ITPR2: variants seen among roughly 807,000 people sequenced by gnomAD.
ITPR2 encodes the protein inositol 1,4,5-trisphosphate-gated calcium channel ITPR2.
In ITPR2, 207 loss-of-function variants were observed where a neutral mutation model predicts 317.1. That is an observed-to-expected ratio of 0.65 (90% CI 0.58 to 0.73). ITPR2 has a LOEUF of 0.73. Ranked by LOEUF, ITPR2 falls within the 30% of genes least tolerant of loss-of-function variation. The pLI is 0.00. For missense variants in ITPR2, 2,613 were observed against 3,284.0 expected (o/e 0.80, Z 4.99); for synonymous variants, 1,156 against 1,149.1 (o/e 1.01, Z -0.12).
At chr12:26,533,092 G>A (rs924074442) in intron 37 of ITPR2, among the ~76,000 whole-genome samples, 7 of 152,176 alleles carry the variant, frequency 4.6e-5, no homozygotes, top group African/African-American at 1.7e-4. Flanking sequence ...AAAGTGCTTG[G>A]TAAGAAACTG....
At chr12:26,509,489 A>G (rs1389092506) in intron 37 of ITPR2, among the ~76,000 whole-genome samples, 2 of 152,226 alleles carry the variant, frequency 1.3e-5, no homozygotes, top group East Asian at 3.8e-4. Context: ...TACATCTCTT[A>G]AGGAAAATAA....
chr12:26,466,712 A>G (rs1301570485), intron 45 of ITPR2, among the ~76,000 whole-genome samples: 2 of 152,238 alleles, frequency 1.3e-5, no homozygotes, highest in Non-Finnish European at 2.9e-5. Flanking sequence ...TTTATAGATG[A>G]GAAGGTTGAA....
At chr12:26,620,900 T>A (rs1361249093) in intron 26 of ITPR2, among the ~76,000 whole-genome samples, 1 of 152,040 alleles carries the variant, frequency 6.6e-6, no homozygotes, top group Admixed American at 6.5e-5. Context: ...TGACAAAGAG[T>A]GAAACACTAG....
At chr12:26,348,389 A>G (rs1047206845) in intron 55 of ITPR2, among the ~76,000 whole-genome samples, 2 of 152,188 alleles carry the variant, frequency 1.3e-5, no homozygotes, top group Non-Finnish European at 1.5e-5. Flanking sequence ...GATTTCAGTA[A>G]GGGCATGATG....
At chr12:26,799,524 A>G (rs1950518056) in intron 1 of ITPR2, among the ~76,000 whole-genome samples, 1 of 152,212 alleles carries the variant, frequency 6.6e-6, no homozygotes, top group Non-Finnish European at 1.5e-5. Context: ...CAACTAAAAG[A>G]GTTACACATA....
chr12:26,697,521 A>G (rs1948373125), intron 9 of ITPR2, among the ~76,000 whole-genome samples: 1 of 152,184 alleles, frequency 6.6e-6, no homozygotes, highest in Non-Finnish European at 1.5e-5. Flanking sequence ...TATAGAAACA[A>G]TATGTGGCCG....
intron 56 of ITPR2, 146 bp downstream of exon 56, chr12:26,340,021 G>A (rs1406712555): frequency 7.5e-6 from 5 of 665,880 alleles, no homozygotes; most frequent in East Asian, 6.3e-5. Flanking sequence ...CTGGGATGTG[G>A]TTCTACAGTA....
chr12:26,752,358 G>C (rs1027788547), intron 2 of ITPR2, among the ~76,000 whole-genome samples: 1 of 152,200 alleles, frequency 6.6e-6, no homozygotes, highest in African/African-American at 2.4e-5. Flanking sequence ...CACAGGATGA[G>C]AGAGGAGATC....
intron 2 of ITPR2, among the ~76,000 whole-genome samples, chr12:26,775,493 A>G (rs10771301): frequency 0.29 from 44,417 of 151,998 alleles, 7,793 homozygotes; most frequent in East Asian, 0.75. Flanking sequence ...AGGAGTTTCC[A>G]TTGACTAAAA....
At chr12:26,424,838 C>T (rs1211487935) in intron 49 of ITPR2, among the ~76,000 whole-genome samples, 2 of 152,036 alleles carry the variant, frequency 1.3e-5, no homozygotes, top group Non-Finnish European at 2.9e-5. Flanking sequence ...CAGCTCAGTG[C>T]AACCTCTACC....
intron 15 of ITPR2, among the ~76,000 whole-genome samples, chr12:26,660,437 T>C (rs776585099): frequency 6.6e-6 from 1 of 152,240 alleles, no homozygotes; most frequent in Non-Finnish European, 1.5e-5. Context: ...TTCTCCCCCT[T>C]CCACCATGAA....
intron 50 of ITPR2, among the ~76,000 whole-genome samples, chr12:26,415,933 T>TG (rs1200141380): frequency 3.3e-5 from 5 of 152,186 alleles, no homozygotes; most frequent in African/African-American, 1.2e-4. Context: ...TAGGTCCTCC[T>TG]GAGTGATGAA....
At chr12:26,759,314 G>GT (rs894125233) in intron 2 of ITPR2, among the ~76,000 whole-genome samples, 2 of 151,930 alleles carry the variant, frequency 1.3e-5, no homozygotes, top group East Asian at 1.9e-4. Flanking sequence ...AAATGAGTAG[G>GT]TTTTTTTTCC....
chr12:26,423,393 G>A (rs1482986223), intron 49 of ITPR2, among the ~76,000 whole-genome samples: 5 of 152,162 alleles, frequency 3.3e-5, no homozygotes, highest in Non-Finnish European at 7.4e-5. Flanking sequence ...CTCATTGTTA[G>A]TAGACTAGCT....
intron 1 of ITPR2, among the ~76,000 whole-genome samples, chr12:26,813,332 CTTG>C (rs1439207241): frequency 6.6e-6 from 1 of 152,094 alleles, no homozygotes; most frequent in Non-Finnish European, 1.5e-5. Flanking sequence ...TTAATTCATG[CTTG>C]TTGTGTACAC....
chr12:26,811,036 CAAAAA>C (rs79796097), intron 1 of ITPR2, among the ~76,000 whole-genome samples: 26 of 108,288 alleles, frequency 2.4e-4, no homozygotes, highest in African/African-American at 9.6e-4. Flanking sequence ...TTTTAAGTTA[CAAAAA>C]AAAAAAAAAA....
intron 14 of ITPR2, among the ~76,000 whole-genome samples, chr12:26,664,426 C>A (rs1947574140): frequency 6.6e-6 from 1 of 152,096 alleles, no homozygotes; most frequent in Admixed American, 6.5e-5. Flanking sequence ...GCTGGTGGCT[C>A]CCAGTAAGCC....
At chr12:26,516,475 A>G (rs542543887) in intron 37 of ITPR2, among the ~76,000 whole-genome samples, 1 of 152,102 alleles carries the variant, frequency 6.6e-6, no homozygotes, top group Non-Finnish European at 1.5e-5. Flanking sequence ...GGGTCTTCAA[A>G]GACTTCCCAT....
chr12:26,632,745 T>A (rs1002963654), intron 21 of ITPR2, among the ~76,000 whole-genome samples: 2 of 152,214 alleles, frequency 1.3e-5, no homozygotes, highest in African/African-American at 4.8e-5. Flanking sequence ...AACATGATCA[T>A]TTTCAATGAG....
Sources: gnomAD v4.1 joint callset for allele counts (sites outside exome capture counted in the v4.1 genomes callset) on GRCh38, gnomAD v4.1.1 for gene constraint, MANE v1.5 for transcripts, NCBI Gene and HGNC (gene_info 2026-07-23, HGNC 2026-07-21) for gene names.